Variants in NFIB observed in about 807,000 individuals in gnomAD.
NFIB encodes the protein nuclear factor I B, also known as nuclear factor 1 B-type.
NFIB carries 11 observed loss-of-function variants against 61.5 expected under a neutral mutation model. That is an observed-to-expected ratio of 0.18 (90% CI 0.11 to 0.30). NFIB has a LOEUF of 0.30. NFIB is among the 10% of genes least tolerant of loss of function. NFIB has a pLI of 1.00. For synonymous variants in NFIB, 260 were observed against 216.5 expected (o/e 1.20, Z -1.76); for missense variants, 471 against 608.9 (o/e 0.77, Z 2.38).
At chr9:14,111,005 A>G (rs1302707245) in intron 10 of NFIB, among the ~76,000 whole-genome samples, 2 of 152,130 alleles carry the variant, frequency 1.3e-5, no homozygotes, top group Non-Finnish European at 2.9e-5. Context: ...AGATTAATAT[A>G]TATCATGTAT....
chr9:14,384,043 G>A (rs899528270), intron 1 of NFIB, among the ~76,000 whole-genome samples: 2 of 152,208 alleles, frequency 1.3e-5, no homozygotes, highest in Middle Eastern at 3.2e-3. Flanking sequence ...ATGCTTAAGC[G>A]AGCCACTTAG....
chr9:14,354,780 C>CTCTGTGTG (rs3221016), intron 1 of NFIB, among the ~76,000 whole-genome samples: 1 of 145,776 alleles, frequency 6.9e-6, no homozygotes, highest in Non-Finnish European at 1.5e-5. Flanking sequence ...AATGGGTACT[C>CTCTGTGTG]TGTGTGTGTG....
chr9:14,477,267 G>T, the NFIB span, among the ~76,000 whole-genome samples: 1 of 151,998 alleles, frequency 6.6e-6, no homozygotes, highest in South Asian at 2.1e-4. Context: ...AATAACATAT[G>T]CCTATGATTA....
chr9:14,103,070 G>GA (rs2036009688), intron 10 of NFIB, among the ~76,000 whole-genome samples: 1 of 152,182 alleles, frequency 6.6e-6, no homozygotes, highest in Non-Finnish European at 1.5e-5. Context: ...GCATTGTTTA[G>GA]AAAGAGTTGA....
intron 1 of NFIB, among the ~76,000 whole-genome samples, chr9:14,396,952 T>A (rs867498225): frequency 6.6e-6 from 1 of 152,180 alleles, no homozygotes; most frequent in Non-Finnish European, 1.5e-5. Flanking sequence ...ATAGCCTGCA[T>A]GTCATGACTT....
chr9:14,422,937 A>G, the NFIB span, among the ~76,000 whole-genome samples: 1 of 152,218 alleles, frequency 6.6e-6, no homozygotes, highest in South Asian at 2.1e-4. Context: ...AAATGTTTCT[A>G]CAGTTCTGGA....
At chr9:14,413,814 G>A in the NFIB span, among the ~76,000 whole-genome samples, 2 of 152,120 alleles carry the variant, frequency 1.3e-5, no homozygotes, top group Non-Finnish European at 2.9e-5. Flanking sequence ...CATTGACCAT[G>A]TCAGGCTCAG....
chr9:14,233,657 T>A (rs536076208), intron 2 of NFIB, among the ~76,000 whole-genome samples: 1 of 152,188 alleles, frequency 6.6e-6, no homozygotes, highest in Non-Finnish European at 1.5e-5. Flanking sequence ...CTCAAACTCC[T>A]GACCTCAGGT....
At chr9:14,353,173 T>G (rs1381832867) in intron 1 of NFIB, among the ~76,000 whole-genome samples, 2 of 152,082 alleles carry the variant, frequency 1.3e-5, no homozygotes, top group Non-Finnish European at 2.9e-5. Flanking sequence ...AGGCTGTCCT[T>G]AGACTGTAGG....
At chr9:14,314,261 C>G, upstream of NFIB, 1 of 651,860 alleles carries the variant, frequency 1.5e-6, no homozygotes, top group African/African-American at 2.0e-5. Context: ...GCGGAAGAGG[C>G]TCGCGGCGCG....
intron 1 of NFIB, among the ~76,000 whole-genome samples, chr9:14,355,418 GT>G (rs532717842): frequency 1.3e-5 from 2 of 152,284 alleles, no homozygotes; most frequent in Non-Finnish European, 2.9e-5. Context: ...AATTTCTGCT[GT>G]TTAAGCCACC....
chr9:14,163,914 C>T (rs1407176845), intron 3 of NFIB, among the ~76,000 whole-genome samples: 1 of 151,384 alleles, frequency 6.6e-6, no homozygotes, highest in African/African-American at 2.4e-5. Flanking sequence ...ATTATCTCAA[C>T]TACCTAGAAA....
chr9:14,190,935 T>C (rs1343125123), intron 2 of NFIB, among the ~76,000 whole-genome samples: 1 of 152,144 alleles, frequency 6.6e-6, no homozygotes. Flanking sequence ...GCATATGCCT[T>C]TAATCCCAAC....
At chr9:14,464,687 C>A in the NFIB span, among the ~76,000 whole-genome samples, 1 of 151,970 alleles carries the variant, frequency 6.6e-6, no homozygotes, top group Non-Finnish European at 1.5e-5. Flanking sequence ...GGCCGAGACC[C>A]CCCAGGGCCC....
intron 2 of NFIB, among the ~76,000 whole-genome samples, chr9:14,194,150 C>T (rs1331651060): frequency 2.0e-5 from 3 of 152,122 alleles, no homozygotes; most frequent in African/African-American, 7.2e-5. Context: ...ACTTCTAATG[C>T]ACATTTATGA....
the NFIB span, among the ~76,000 whole-genome samples, chr9:14,485,639 C>G: frequency 3.9e-5 from 6 of 152,110 alleles, no homozygotes; most frequent in East Asian, 9.6e-4. Flanking sequence ...CTTTGAGAGG[C>G]CAATGTAGGT....
intron 2 of NFIB, among the ~76,000 whole-genome samples, chr9:14,258,081 T>G (rs138135728): frequency 6.6e-6 from 1 of 152,218 alleles, no homozygotes; most frequent in Admixed American, 6.5e-5. Flanking sequence ...TTTATGAACA[T>G]AGTTAGCATA....
At chr9:14,255,614 T>C (rs1204018027) in intron 2 of NFIB, among the ~76,000 whole-genome samples, 2 of 152,208 alleles carry the variant, frequency 1.3e-5, no homozygotes, top group Admixed American at 1.3e-4. Flanking sequence ...TAAATTGCTC[T>C]ATAGGTAGTG....
intron 1 of NFIB, among the ~76,000 whole-genome samples, chr9:14,340,622 G>A (rs1204493440): frequency 6.6e-6 from 1 of 152,234 alleles, no homozygotes; most frequent in Non-Finnish European, 1.5e-5. Context: ...AACTTAGCAA[G>A]TAGAAGCAAA....
Sources: allele counts gnomAD v4.1 joint callset (sites outside exome capture counted in the v4.1 genomes callset), GRCh38; gene constraint gnomAD v4.1.1; transcripts MANE v1.5; gene names NCBI Gene and HGNC (gene_info 2026-07-23, HGNC 2026-07-21).